Variants in SPINK13 observed in about 807,000 individuals in gnomAD.
SPINK13 encodes the protein serine peptidase inhibitor Kazal type 13, also known as serine protease inhibitor Kazal-type 13.
A neutral mutation model predicts 11.0 loss-of-function variants in SPINK13; 11 were observed. That is an observed-to-expected ratio of 1.00 (90% CI 0.63 to 1.65). The LOEUF is 1.65. SPINK13 is among the 40% of genes most tolerant of loss of function. The pLI is 0.00. For missense variants in SPINK13, 113 were observed against 117.7 expected, an observed-to-expected ratio of 0.96 and a Z score of 0.19; for synonymous variants, 31 against 35.6, an observed-to-expected ratio of 0.87 and a Z score of 0.46.
At chr5:148,278,778 A>G (rs1756469899) in intron 3 of SPINK13, among the ~76,000 whole-genome samples, 1 of 152,204 alleles carries the variant, frequency 6.6e-6, no homozygotes, top group Non-Finnish European at 1.5e-5. Context: ...GTAGATGTCT[A>G]TTAGGTCCAC....
At chr5:148,276,202 T>A (rs2113367755) in intron 3 of SPINK13, among the ~76,000 whole-genome samples, 1 of 152,340 alleles carries the variant, frequency 6.6e-6, no homozygotes, top group East Asian at 1.9e-4. Context: ...TAGCCGTTTG[T>A]CAGATGGGTA....
intron 1 of SPINK13, 35 bp from the exon 2 acceptor site, chr5:148,270,005 G>C (rs2304030): frequency 0.056 from 83,726 of 1,485,594 alleles, 8,632 homozygotes; most frequent in African/African-American, 0.4. Flanking sequence ...GCTAGCTGTG[G>C]GGGAAACTAA....
chr5:148,283,154 T>C (rs553480375), intron 4 of SPINK13, among the ~76,000 whole-genome samples: 2 of 152,124 alleles, frequency 1.3e-5, no homozygotes, highest in East Asian at 3.9e-4. Context: ...ACACATGAAG[T>C]ATTGCTTACC....
chr5:148,283,663 G>C (rs1756550203), intron 4 of SPINK13, among the ~76,000 whole-genome samples: 1 of 152,158 alleles, frequency 6.6e-6, no homozygotes, highest in Non-Finnish European at 1.5e-5. Flanking sequence ...AGATGAACGA[G>C]ATACCAGACT....
intron 1 of SPINK13, among the ~76,000 whole-genome samples, chr5:148,269,213 A>G (rs1324534826): frequency 6.6e-6 from 1 of 152,180 alleles, no homozygotes; most frequent in Non-Finnish European, 1.5e-5. Flanking sequence ...TGTCAATTTA[A>G]TATGTTTAAA....
At chr5:148,282,033 CA>C in intron 3 of SPINK13, 70 bp from the exon 4 acceptor site, 2 of 1,579,344 alleles carry the variant, frequency 1.3e-6, no homozygotes, top group Non-Finnish European at 1.7e-6. Context: ...TTAAGTGGGG[CA>C]GAAGTGACAG....
intron 3 of SPINK13, among the ~76,000 whole-genome samples, chr5:148,279,931 G>A (rs1455514585): frequency 6.6e-6 from 1 of 152,096 alleles, no homozygotes; most frequent in East Asian, 1.9e-4. Flanking sequence ...GTAAAATGTA[G>A]GTTTGGTCTT....
chr5:148,277,188 G>A (rs899846697), intron 3 of SPINK13, among the ~76,000 whole-genome samples: 4 of 152,186 alleles, frequency 2.6e-5, no homozygotes, highest in African/African-American at 7.2e-5. Context: ...TGAGATGATG[G>A]AGTTTTCTAA....
chr5:148,283,279 A>G (rs1342665398), intron 4 of SPINK13, among the ~76,000 whole-genome samples: 1 of 152,206 alleles, frequency 6.6e-6, no homozygotes, highest in Non-Finnish European at 1.5e-5. Flanking sequence ...CTCCCCAGCC[A>G]GAGATCAAAC....
chr5:148,285,699 TA>T lies in SPINK13; in HGVS notation c.237-292del, dbSNP rs999452533. 7.3e-5 allele frequency among the ~76,000 whole-genome samples: 11 copies of T among 151,424 alleles called. No homozygotes were observed. The South Asian group carries it at 2.1e-3, about 29-fold the overall frequency. On this transcript the variant is annotated intron_variant, in intron 4 of 4. Transcript: ENST00000398450. ...GCTGTGGTTATCTTTTACCTCTTGG[TA>T]AAAAAAAATCTGGTATTTCTATGTT...
At chr5:148,276,663 G>A (rs2113368245) in intron 3 of SPINK13, among the ~76,000 whole-genome samples, 1 of 152,302 alleles carries the variant, frequency 6.6e-6, no homozygotes, top group South Asian at 2.1e-4. Flanking sequence ...CTATACAGCT[G>A]TTTTGGTTAC....
At chr5:148,277,309 C>T (rs762819806) in intron 3 of SPINK13, among the ~76,000 whole-genome samples, 21 of 152,170 alleles carry the variant, frequency 1.4e-4, no homozygotes, top group Non-Finnish European at 3.1e-4. Context: ...ACTTCTAATA[C>T]TATGTTGAAT....
In SPINK13 at chr5:148,270,046, T is replaced by C; in HGVS notation, c.-27T>C. On this transcript the variant is annotated 5_prime_UTR_variant, in exon 2 of 5. Coordinates refer to ENST00000398450, the MANE Select transcript of SPINK13 (RefSeq NM_001040129.3). ...ATCTTGGGCATGTTCACAGGCCTTA[T>C]CAAAGAAGAGTCTTATATGAGATCA... is the stretch of plus-strand genomic sequence containing the variant. 6.2e-7 allele frequency: 1 copy of C among 1,612,150 alleles called. No homozygotes were observed.
At chr5:148,271,335 C>A (rs1343330003) in intron 2 of SPINK13, among the ~76,000 whole-genome samples, 2 of 152,098 alleles carry the variant, frequency 1.3e-5, no homozygotes, top group Admixed American at 6.5e-5. Flanking sequence ...TCAAAAAGCA[C>A]CATGAATATA....
intron 3 of SPINK13, among the ~76,000 whole-genome samples, chr5:148,278,272 A>C (rs1018785477): frequency 6.6e-6 from 1 of 152,054 alleles, no homozygotes; most frequent in Non-Finnish European, 1.5e-5. Flanking sequence ...TATCGCCTTC[A>C]GTTCTGCTCT....
chr5:148,269,269 G>T (rs79126418), intron 1 of SPINK13, among the ~76,000 whole-genome samples: 2 of 152,092 alleles, frequency 1.3e-5, no homozygotes, highest in East Asian at 3.9e-4. Context: ...ATCCTATGAA[G>T]TTCATACTTT....
chr5:148,275,513 C>G (rs1756412046), intron 3 of SPINK13, among the ~76,000 whole-genome samples: 1 of 152,108 alleles, frequency 6.6e-6, no homozygotes, highest in Non-Finnish European at 1.5e-5. Context: ...AAAGAGATTG[C>G]TGTGTCAAAT....
chr5:148,274,730 G>A (rs1034864819), intron 3 of SPINK13, among the ~76,000 whole-genome samples: 2 of 152,156 alleles, frequency 1.3e-5, no homozygotes, highest in African/African-American at 2.4e-5. Flanking sequence ...GGGCAACAGA[G>A]TGAAACCCTG....
chr5:148,275,166 A>G (rs1756406814), intron 3 of SPINK13, among the ~76,000 whole-genome samples: 2 of 152,006 alleles, frequency 1.3e-5, no homozygotes, highest in South Asian at 2.1e-4. Context: ...TCCAGTGTGT[A>G]ATGTTCCCTT....
Sources: gnomAD v4.1 joint callset for allele counts (sites outside exome capture counted in the v4.1 genomes callset) on GRCh38, gnomAD v4.1.1 for gene constraint, MANE v1.5 for transcripts, NCBI Gene and HGNC (gene_info 2026-07-23, HGNC 2026-07-21) for gene names.